Variants in FRMD8 observed in about 807,000 individuals in gnomAD.
FRMD8 encodes the protein FERM domain-containing protein 8.
FRMD8 carries 37 observed loss-of-function variants against 54.2 expected under a neutral mutation model. The ratio of observed to expected loss-of-function variants is 0.68; its 90% CI spans 0.53 to 0.90. The LOEUF (loss-of-function observed/expected upper bound fraction) is 0.90. FRMD8 is among the 40% of genes least tolerant of loss of function. FRMD8 has a pLI of 0.00. For missense variants in FRMD8, 585 were observed against 653.7 expected (o/e 0.89, Z 1.15); for synonymous variants, 246 against 286.9 (o/e 0.86, Z 1.44).
At chr11:65,368,067 G>GTTTTTTTTTTTTTTTTTTTT in the FRMD8 span, 2 of 72,784 alleles carry the variant, frequency 2.7e-5, 1 homozygote. Context: ...ATTTTTTTTG[G>GTTTTTTTTTTTTTTTTTTTT]TGTTTTTTTT....
chr11:65,380,707 C>T, the FRMD8 span: 5 of 810,290 alleles, frequency 6.2e-6, no homozygotes, highest in African/African-American at 5.4e-5. Context: ...CCTAGCCCTG[C>T]CCTCCACAGC....
intron 3 of FRMD8, among the ~76,000 whole-genome samples, chr11:65,392,565 C>G (rs1318793995): frequency 6.6e-6 from 1 of 152,166 alleles, no homozygotes; most frequent in Non-Finnish European, 1.5e-5. Flanking sequence ...AAGGCTTTGT[C>G]CCTCCTGGCC....
chr11:65,391,846 G>A (rs561903816), intron 3 of FRMD8, among the ~76,000 whole-genome samples: 1 of 152,278 alleles, frequency 6.6e-6, no homozygotes, highest in African/African-American at 2.4e-5. Context: ...GATGGTAAAG[G>A]GGGGTTTAGG....
chr11:65,379,529 G>C, the FRMD8 span: 1 of 1,612,396 alleles, frequency 6.2e-7, no homozygotes, highest in South Asian at 1.1e-5. Context: ...TGCTGGCAAT[G>C]GGGAAGCTCA....
At chr11:65,409,200 C>A (rs944258138) in intron 10 of FRMD8, among the ~76,000 whole-genome samples, 3 of 152,064 alleles carry the variant, frequency 2.0e-5, no homozygotes, top group Admixed American at 6.6e-5. Flanking sequence ...ATTCTCCCTG[C>A]CTCAGCCTCG....
In FRMD8 at chr11:65,394,393, C is replaced by T; in HGVS notation, c.549C>T (p.Tyr183=). Residue 183 remains tyrosine (Y), a synonymous_variant, in exon 6 of 11, where the codon TAC becomes TAT. Transcript: ENST00000317568. ...ALVCRVQLGP[Y]QPGRPAACDL... The stretch of plus-strand genomic sequence containing the variant: ...TGTGCCGCGTGCAGCTTGGGCCCTA[C>T]CAGCCCGGCCGGCCGGCAGCCTGCG... The T allele has an allele frequency of 6.4e-7, 1 of 1,571,434 alleles. No individual in the cohort carries two copies. The highest frequency in any genetic ancestry group is 1.2e-5 in the South Asian group (1 of 86,336).
Position 65,389,517 on chromosome 11 carries a change from C to G in FRMD8, c.242C>G (p.Ser81Cys), listed in dbSNP as rs760718536. The part of the protein sequence containing the change: ...ALDVFALWLV[S>C]PLLEVQLKPK... ...GATGTCTTCGCGCTCTGGCTGGTCTCCCCTCTGCTGGGTAAGGCTTGGCAG... is the reference window on the plus strand; with the variant it reads ...GATGTCTTCGCGCTCTGGCTGGTCTGCCCTCTGCTGGGTAAGGCTTGGCAG... Residue 81 changes from serine (S) to cysteine (C), a missense_variant, in exon 3 of 11, where the codon TCC becomes TGC. Ser to Cys is a moderately radical substitution (Grantham distance 112). Coordinates refer to ENST00000317568, the MANE Select transcript of FRMD8 (RefSeq NM_031904.5). The G allele has an allele frequency of 6.3e-7, 1 of 1,587,806 alleles. No homozygotes were observed. The highest frequency in any genetic ancestry group is 2.3e-5 in the East Asian group (1 of 43,686).
chr11:65,379,737 G>T, the FRMD8 span: 3 of 1,326,946 alleles, frequency 2.3e-6, no homozygotes, highest in South Asian at 1.3e-5. Flanking sequence ...TACCACCCAG[G>T]CCCCCCAAGG....
Position 65,399,871 on chromosome 11 carries a change from A to C in FRMD8, c.927+12A>C. 1 of 1,608,538 alleles carries C rather than the reference A, an allele frequency of 6.2e-7. No individual in the cohort carries two copies. On this transcript the variant is annotated intron_variant, in intron 8 of 10. Coordinates refer to ENST00000317568, the MANE Select transcript of FRMD8 (RefSeq NM_031904.5). ...ATAGCAGAGAGAAGGTACTGCCCCC[A>C]GCTCCTCCAGGGTGGAGAGGATGGG...
chr11:65,368,385 A>G, the FRMD8 span, among the ~76,000 whole-genome samples: 1 of 150,134 alleles, frequency 6.7e-6, no homozygotes, highest in Non-Finnish European at 1.5e-5. Flanking sequence ...ATTTTTTTGT[A>G]TTTTTGCAGA....
chr11:65,374,275 G>A, the FRMD8 span, among the ~76,000 whole-genome samples: 1 of 152,144 alleles, frequency 6.6e-6, no homozygotes, highest in Non-Finnish European at 1.5e-5. Context: ...GGTGTGGGGG[G>A]AGTTGAACTT....
the FRMD8 span, among the ~76,000 whole-genome samples, chr11:65,370,679 G>A: frequency 6.6e-6 from 1 of 151,526 alleles, no homozygotes; most frequent in Non-Finnish European, 1.5e-5. Context: ...CAGCCTGGGC[G>A]ATAGAGCAAG....
chr11:65,400,822 C>T lies in FRMD8; in HGVS notation c.1026C>T (p.Ser342=), dbSNP rs373329806. 7.4e-6 allele frequency: 12 copies of T among 1,612,582 alleles called. No homozygotes were observed. The highest frequency in any genetic ancestry group is 1.7e-5 in the Admixed American group (1 of 59,928). Residue 342 remains serine, a synonymous_variant, in exon 9 of 11, where the codon AGC becomes AGT. Coordinates refer to ENST00000317568, the MANE Select transcript of FRMD8 (RefSeq NM_031904.5). This position sits in a 1 kb window ranked among gnomAD's most constrained non-coding sequence, Gnocchi z 4.3. The part of the protein sequence containing the change: ...PILWLEFDGD[S]EGTPVNKLLK... ...TGTGGCTGGAGTTCGACGGGGACAG[C>T]GAGGGCACACCTGTCAACAAGCTCC...
chr11:65,384,690 T>G (rs182420562), upstream of FRMD8, among the ~76,000 whole-genome samples: 2 of 152,352 alleles, frequency 1.3e-5, no homozygotes, highest in African/African-American at 2.4e-5. Flanking sequence ...CTTAAGGCAA[T>G]GCTGTCATCT....
rs1856051347 is a variant in FRMD8, at chr11:65,400,525, G to C, written c.928-199G>C. Among the ~76,000 whole-genome samples, 1 of 152,298 alleles carries C rather than the reference G, an allele frequency of 6.6e-6. No homozygotes were observed. Among genetic ancestry groups the C allele is most frequent in the African/African-American group, 2.4e-5 (1 of 41,570 alleles). On this transcript the variant is annotated intron_variant, in intron 8 of 10. Coordinates refer to ENST00000317568, the MANE Select transcript of FRMD8 (RefSeq NM_031904.5). The surrounding 1 kb of genome is among the most constrained non-coding windows in gnomAD (Gnocchi z 4.3). Reference sequence around the variant, plus strand: ...CTGCTGGTGGGACTGTTGTGGGAGAGGGGATCTCAGCTTCCCTGGACCACA... The same window carrying C: ...CTGCTGGTGGGACTGTTGTGGGAGACGGGATCTCAGCTTCCCTGGACCACA...
At chr11:65,395,121 CCTGTAAT>C (rs1457664755) in intron 6 of FRMD8, among the ~76,000 whole-genome samples, 3 of 152,228 alleles carry the variant, frequency 2.0e-5, no homozygotes, top group Admixed American at 6.5e-5. Context: ...GTGGCACACA[CCTGTAAT>C]CCCAGCCGTT....
At chr11:65,379,384 ACCCC>A in the FRMD8 span, 2 of 1,608,624 alleles carry the variant, frequency 1.2e-6, no homozygotes, top group Non-Finnish European at 1.7e-6. Flanking sequence ...ACCTGCAGGA[ACCCC>A]CCGGTGCAGC....
rs770076651 is a variant in FRMD8 at position 65,399,833 on chromosome 11, G to A, written c.901G>A (p.Val301Met). 3.2e-5 allele frequency: 51 copies of A among 1,613,762 alleles called. No individual in the cohort carries two copies. The highest frequency in any genetic ancestry group is 3.6e-5 in the Non-Finnish European group (42 of 1,179,900). Reference protein sequence around the residue: ...PVSVAISLEGVHVIDSREKHV... With the variant: ...PVSVAISLEGMHVIDSREKHV... Reference sequence around the variant, plus strand: ...TTCTGTGGCCATCAGTCTGGAAGGCGTGCACGTCATCGATAGCAGAGAGAA... The same window carrying A: ...TTCTGTGGCCATCAGTCTGGAAGGCATGCACGTCATCGATAGCAGAGAGAA... The change falls in exon 8 of 11, where the codon GTG becomes ATG. Residue 301 changes from valine (V) to methionine (M), a missense_variant. Coordinates refer to ENST00000317568, the MANE Select transcript of FRMD8 (RefSeq NM_031904.5).
the FRMD8 span, chr11:65,379,981 G>A: frequency 5.6e-6 from 9 of 1,610,176 alleles, no homozygotes; most frequent in African/African-American, 1.1e-4. Context: ...GGATGGGCAG[G>A]TGGGCCAACC....
Sources: allele counts gnomAD v4.1 joint callset (sites outside exome capture counted in the v4.1 genomes callset), GRCh38; gene constraint gnomAD v4.1.1; non-coding constraint Gnocchi (gnomAD v3.1); transcripts MANE v1.5; gene names NCBI Gene and HGNC (gene_info 2026-07-23, HGNC 2026-07-21).